Variants in VAV3 observed in about 807,000 individuals in gnomAD.
VAV3 encodes vav guanine nucleotide exchange factor 3.
In VAV3, 94 loss-of-function variants were observed where a neutral mutation model predicts 131.2. The observed-to-expected ratio is 0.72, with a 90% CI of 0.61 to 0.85. The LOEUF (loss-of-function observed/expected upper bound fraction) is 0.85. VAV3 is among the 40% of genes least tolerant of loss of function. VAV3 has a pLI of 0.00. For missense variants in VAV3, 939 were observed against 1,002.7 expected (o/e 0.94, Z 0.86); for synonymous variants, 349 against 342.0 (o/e 1.02, Z -0.22).
At position 107,878,073 on chromosome 1, in the gene VAV3, GAATAC is replaced by G. The variant is rs200722364; in HGVS notation, c.205-3061_205-3057del. 9.2e-3 allele frequency among the ~76,000 whole-genome samples: 1,398 copies of G among 152,204 alleles called. 13 individuals are homozygous for G. The highest frequency in any genetic ancestry group is 0.037 in the Middle Eastern group (11 of 294). On this transcript the variant is annotated intron_variant, in intron 1 of 26. Transcript: ENST00000370056. ...TTGAATTTCAGAACAAAAGTTGAAA[GAATAC>G]AATGAACATTCCATCTACATGCAAC...
intron 15 of VAV3, among the ~76,000 whole-genome samples, chr1:107,721,879 G>A (rs1661522735): frequency 6.6e-6 from 1 of 152,138 alleles, no homozygotes; most frequent in South Asian, 2.1e-4. Flanking sequence ...TTACAATATG[G>A]GGTGACAGTA....
At chr1:107,890,219 T>C (rs979121371) in intron 1 of VAV3, among the ~76,000 whole-genome samples, 8 of 152,222 alleles carry the variant, frequency 5.3e-5, no homozygotes, top group African/African-American at 1.9e-4. Context: ...CATTACACTA[T>C]GGCTCATGTA....
chr1:107,847,328 C>T (rs1290828954), intron 2 of VAV3, among the ~76,000 whole-genome samples: 1 of 152,104 alleles, frequency 6.6e-6, no homozygotes, highest in African/African-American at 2.4e-5. Context: ...TGGGAAAGAT[C>T]TAAAATCGCC....
intron 10 of VAV3, among the ~76,000 whole-genome samples, chr1:107,758,749 C>T (rs934449983): frequency 5.3e-5 from 8 of 152,086 alleles, no homozygotes; most frequent in African/African-American, 1.7e-4. Context: ...AGGTTGTCAC[C>T]CATACCTCCT....
chr1:107,956,686 T>C (rs1184160049), intron 1 of VAV3, among the ~76,000 whole-genome samples: 1 of 152,092 alleles, frequency 6.6e-6, no homozygotes, highest in African/African-American at 2.4e-5. Context: ...CAGACCATAC[T>C]TTGAGAACAT....
At chr1:107,701,507 C>T (rs1186109510) in intron 17 of VAV3, among the ~76,000 whole-genome samples, 1 of 145,480 alleles carries the variant, frequency 6.9e-6, no homozygotes, top group Non-Finnish European at 1.5e-5. Flanking sequence ...CCATGAAGAC[C>T]TCTGACATGC....
At position 107,574,986 on chromosome 1, in the gene VAV3, TGTGTGTGCGTGC is replaced by T. The variant is rs1368868821; in HGVS notation, c.2351-800_2351-789del. ...CTCTGTGTGTGTGTGTGTGTGTGTG[TGTGTGTGCGTGC>T]GTGCGCGCGCGCGCGCGCACACGCG... On this transcript the variant is annotated intron_variant, in intron 25 of 26. Coordinates refer to ENST00000370056, the MANE Select transcript of VAV3 (RefSeq NM_006113.5). Among the ~76,000 whole-genome samples, 15 of 30,956 alleles carry T rather than the reference TGTGTGTGCGTGC, an allele frequency of 4.8e-4. No homozygotes were observed. In the South Asian group the frequency reaches 0.011, roughly 22 times the overall value. The allele number at this position is 30,956 out of a possible 152,430, so 20.3% of individuals were successfully genotyped here. A position where few individuals can be genotyped will look rare whatever the true frequency, so the allele number is the denominator to read the frequency against.
At chr1:107,677,115 A>G (rs1658265945) in intron 19 of VAV3, among the ~76,000 whole-genome samples, 1 of 152,216 alleles carries the variant, frequency 6.6e-6, no homozygotes, top group Non-Finnish European at 1.5e-5. Flanking sequence ...ATGCTGAAAG[A>G]TAACTAATTG....
intron 2 of VAV3, among the ~76,000 whole-genome samples, chr1:107,872,233 T>C (rs1220541049): frequency 1.3e-5 from 2 of 152,144 alleles, no homozygotes; most frequent in Non-Finnish European, 2.9e-5. Flanking sequence ...ATCTGAAGAA[T>C]GTCTTCACAA....
intron 15 of VAV3, among the ~76,000 whole-genome samples, chr1:107,736,269 C>A (rs556647066): frequency 3.7e-4 from 57 of 152,228 alleles, no homozygotes; most frequent in African/African-American, 1.3e-3. Flanking sequence ...TGGGAAAAAA[C>A]TGGAAGCATT....
At chr1:107,938,206 G>A (rs79722654) in intron 1 of VAV3, among the ~76,000 whole-genome samples, 3,702 of 152,220 alleles carry the variant, frequency 0.024, 73 homozygotes, top group South Asian at 0.11. Context: ...TACAGAAGAG[G>A]AGGCGATCCC....
intron 1 of VAV3, among the ~76,000 whole-genome samples, chr1:107,908,874 C>CAA: frequency 8.1e-6 from 1 of 123,150 alleles, no homozygotes; most frequent in African/African-American, 3.0e-5. Context: ...CACACACACA[C>CAA]AATATAAAAC....
In VAV3 at chr1:107,907,062, C is replaced by T. The variant is rs182598584; in HGVS notation, c.205-32045G>A. Among the ~76,000 whole-genome samples, 7 of 152,278 alleles carry T rather than the reference C, an allele frequency of 4.6e-5. No homozygotes were observed. In the South Asian group the frequency reaches 8.3e-4, roughly 18 times the overall value. On this transcript the variant is annotated intron_variant, in intron 1 of 26. Coordinates refer to ENST00000370056, the MANE Select transcript of VAV3 (RefSeq NM_006113.5). Reference sequence around the variant, plus strand: ...AAACCATCCTGAATTTTTATATCTCCACAACAACTTTCTGGCATCCAGTTA... The same window carrying T: ...AAACCATCCTGAATTTTTATATCTCTACAACAACTTTCTGGCATCCAGTTA...
intron 2 of VAV3, among the ~76,000 whole-genome samples, chr1:107,862,098 C>T (rs1669766984): frequency 6.6e-6 from 1 of 151,572 alleles, no homozygotes; most frequent in African/African-American, 2.4e-5. Context: ...CAGAGAAAGG[C>T]CCATATTCAA....
At chr1:107,739,614 G>A (rs564030314) in intron 15 of VAV3, among the ~76,000 whole-genome samples, 118 of 152,306 alleles carry the variant, frequency 7.7e-4, no homozygotes, top group African/African-American at 2.6e-3. Flanking sequence ...AGCATTTTAA[G>A]GAGGAAGAAT....
At chr1:107,858,775 G>A (rs1461395589) in intron 2 of VAV3, among the ~76,000 whole-genome samples, 1 of 152,192 alleles carries the variant, frequency 6.6e-6, no homozygotes, top group Admixed American at 6.5e-5. Flanking sequence ...CTCTAGATGA[G>A]AGTATCCTGG....
intron 15 of VAV3, among the ~76,000 whole-genome samples, chr1:107,711,172 T>C (rs993951655): frequency 6.6e-6 from 1 of 152,138 alleles, no homozygotes; most frequent in African/African-American, 2.4e-5. Flanking sequence ...AGAGAAGATA[T>C]TTAAAAGTGA....
intron 25 of VAV3, among the ~76,000 whole-genome samples, chr1:107,593,839 AT>A (rs1651160826): frequency 6.6e-6 from 1 of 152,116 alleles, no homozygotes; most frequent in Admixed American, 6.6e-5. Context: ...AGCCTTAGAA[AT>A]ATAGGAAAGT....
intron 4 of VAV3, among the ~76,000 whole-genome samples, chr1:107,773,677 C>T (rs1665177084): frequency 2.0e-5 from 3 of 152,058 alleles, no homozygotes; most frequent in Admixed American, 2.0e-4. Context: ...CTTTGGGACA[C>T]CAGGGAGATG....
Sources: gnomAD v4.1 joint callset for allele counts (sites outside exome capture counted in the v4.1 genomes callset) on GRCh38, gnomAD v4.1.1 for gene constraint, MANE v1.5 for transcripts, NCBI Gene and HGNC (gene_info 2026-07-23, HGNC 2026-07-21) for gene names.